Variants in BCL2L13 observed in about 807,000 individuals in gnomAD.
BCL2L13 encodes the protein BCL2 like 13.
In BCL2L13, 13 loss-of-function variants were observed where a neutral mutation model predicts 25.8. That is an observed-to-expected ratio of 0.50 (90% CI 0.33 to 0.80). BCL2L13 has a LOEUF of 0.80. Among genes scored for constraint, BCL2L13 ranks in the 30% least tolerant of loss-of-function variants. The probability of loss-of-function intolerance (pLI) is 0.02; values close to 1 mark genes in which losing one functional copy is unlikely to be tolerated. For missense variants in BCL2L13, 504 were observed against 574.9 expected, an observed-to-expected ratio of 0.88 and a Z score of 1.26; for synonymous variants, 244 against 230.3, an observed-to-expected ratio of 1.06 and a Z score of -0.54.
At chr22:17,713,369 C>T (rs1165665768) in intron 6 of BCL2L13, among the ~76,000 whole-genome samples, 1 of 151,576 alleles carries the variant, frequency 6.6e-6, no homozygotes, top group African/African-American at 2.4e-5. Flanking sequence ...TGGTAAAGTA[C>T]AGTTCTTTAG....
At position 17,730,215 on chromosome 22, in the gene BCL2L13, A is replaced by G. The variant is rs1480906975; in HGVS notation, c.*2681A>G. ...AAGTGATAATTCTGGGCCCACAGAAATCAGTCAGTACCTGCGGTGTGCCTT... is the reference window on the plus strand; with the variant it reads ...AAGTGATAATTCTGGGCCCACAGAAGTCAGTCAGTACCTGCGGTGTGCCTT... On this transcript the variant is annotated 3_prime_UTR_variant, in exon 7 of 7. Coordinates refer to ENST00000317582, the MANE Select transcript of BCL2L13 (RefSeq NM_015367.4). 3 of 152,214 alleles carry G rather than the reference A, an allele frequency of 2.0e-5. No homozygotes were observed. The highest frequency in any genetic ancestry group is 7.2e-5 in the African/African-American group (3 of 41,456). The allele number at this position is 152,214 out of a possible 1,614,324, so 9.4% of individuals were successfully genotyped here. A position where few individuals can be genotyped will look rare whatever the true frequency, so the allele number is the denominator to read the frequency against.
In BCL2L13 at chr22:17,729,042, A is replaced by G; in HGVS notation, c.*1508A>G. ...ATGCAGGGCACACGTGGCTTGGTTT[A>G]AAAAGGTCATCTTAGATTTATCTTA... On this transcript the variant is annotated 3_prime_UTR_variant, in exon 7 of 7. Transcript: ENST00000317582. 6.6e-6 allele frequency: 1 copy of G among 152,260 alleles called. No homozygotes were observed. Among genetic ancestry groups the G allele is most frequent in the East Asian group, 1.9e-4 (1 of 5,200 alleles). The allele number at this position is 152,260 out of a possible 1,614,324, so 9.4% of individuals were successfully genotyped here. A position where few individuals can be genotyped will look rare whatever the true frequency, so the allele number is the denominator to read the frequency against.
chr22:17,672,061 A>G (rs1393370861), intron 2 of BCL2L13, among the ~76,000 whole-genome samples: 7 of 152,142 alleles, frequency 4.6e-5, no homozygotes, highest in African/African-American at 1.7e-4. Flanking sequence ...ATTTTGAGGT[A>G]TTTGTTTTTG....
intron 1 of BCL2L13, among the ~76,000 whole-genome samples, chr22:17,640,193 T>C (rs1338216804): frequency 6.6e-6 from 1 of 152,122 alleles, no homozygotes; most frequent in African/African-American, 2.4e-5. Flanking sequence ...CCGCATGAAG[T>C]ATTATTTTCA....
At chr22:17,630,664 C>T (rs1691315900) in intron 1 of BCL2L13, among the ~76,000 whole-genome samples, 1 of 149,248 alleles carries the variant, frequency 6.7e-6, no homozygotes, top group East Asian at 2.0e-4. Flanking sequence ...AATCTCGGCT[C>T]ACCACAACCT....
At chr22:17,639,604 A>G in intron 1 of BCL2L13, among the ~76,000 whole-genome samples, 1 of 152,186 alleles carries the variant, frequency 6.6e-6, no homozygotes, top group East Asian at 1.9e-4. Context: ...GTTAGCTCTT[A>G]GCCACTCCCT....
chr22:17,651,904 A>G (rs1198449446), intron 1 of BCL2L13, among the ~76,000 whole-genome samples: 3 of 151,872 alleles, frequency 2.0e-5, no homozygotes, highest in Admixed American at 6.6e-5. Context: ...GCTAGCCAGG[A>G]TGGTCTGGAT....
intron 1 of BCL2L13, among the ~76,000 whole-genome samples, chr22:17,651,514 TG>T (rs2058687239): frequency 6.6e-6 from 1 of 151,054 alleles, no homozygotes; most frequent in African/African-American, 2.4e-5. Flanking sequence ...CCCGAGTAGC[TG>T]GGATTACAGG....
intron 1 of BCL2L13, among the ~76,000 whole-genome samples, chr22:17,629,936 G>C (rs1047178895): frequency 6.6e-6 from 1 of 151,734 alleles, no homozygotes; most frequent in Non-Finnish European, 1.5e-5. Flanking sequence ...CCTTTGTCCC[G>C]GGCCAGGCGC....
chr22:17,630,956 C>T (rs1393035173), intron 1 of BCL2L13, among the ~76,000 whole-genome samples: 2 of 151,914 alleles, frequency 1.3e-5, no homozygotes, highest in African/African-American at 4.8e-5. Context: ...TACTTTATAA[C>T]CTTTATAACC....
At chr22:17,692,867 A>G (rs988699959) in intron 4 of BCL2L13, among the ~76,000 whole-genome samples, 1 of 152,250 alleles carries the variant, frequency 6.6e-6, no homozygotes, top group African/African-American at 2.4e-5. Flanking sequence ...TTAGCCCAGT[A>G]CATCTAAAAT....
chr22:17,722,947 T>G (rs1324035764), intron 6 of BCL2L13, among the ~76,000 whole-genome samples: 1 of 152,246 alleles, frequency 6.6e-6, no homozygotes, highest in Non-Finnish European at 1.5e-5. Context: ...TGTACTTCTT[T>G]TTTAATAGTA....
At chr22:17,630,287 CT>C (rs932260968) in intron 1 of BCL2L13, among the ~76,000 whole-genome samples, 13 of 144,374 alleles carry the variant, frequency 9.0e-5, no homozygotes, top group Admixed American at 6.9e-5. Context: ...ATAACCCTTT[CT>C]TTTTTTTTTG....
chr22:17,653,877 G>A (rs2058765166), intron 1 of BCL2L13, among the ~76,000 whole-genome samples: 1 of 140,388 alleles, frequency 7.1e-6, no homozygotes, highest in South Asian at 2.1e-4. Flanking sequence ...TATCATTCTA[G>A]GATATTTATC....
intron 6 of BCL2L13, among the ~76,000 whole-genome samples, chr22:17,704,813 TTTTA>T (rs2060542054): frequency 6.9e-6 from 1 of 144,672 alleles, no homozygotes; most frequent in Non-Finnish European, 1.5e-5. Flanking sequence ...CATTTGTCTA[TTTTA>T]TTTATTTTTC....
intron 4 of BCL2L13, among the ~76,000 whole-genome samples, chr22:17,693,368 G>T (rs1170878721): frequency 3.4e-4 from 38 of 112,224 alleles, no homozygotes; most frequent in African/African-American, 9.0e-4. Flanking sequence ...TTTATTTAGT[G>T]TTTGTTTTTT....
intron 2 of BCL2L13, among the ~76,000 whole-genome samples, chr22:17,673,099 G>A (rs2059464113): frequency 6.6e-6 from 1 of 152,118 alleles, no homozygotes; most frequent in Non-Finnish European, 1.5e-5. Flanking sequence ...ATTCTCTGAA[G>A]TCTCATATTC....
At chr22:17,718,123 G>T (rs1168945522) in intron 6 of BCL2L13, among the ~76,000 whole-genome samples, 1 of 149,556 alleles carries the variant, frequency 6.7e-6, no homozygotes, top group Non-Finnish European at 1.5e-5. Flanking sequence ...AACAGGAGGG[G>T]AGGGAAGGGG....
chr22:17,668,545 C>G (rs762433460), intron 2 of BCL2L13, among the ~76,000 whole-genome samples: 9 of 151,720 alleles, frequency 5.9e-5, no homozygotes, highest in Admixed American at 1.3e-4. Context: ...CTCCACCTTC[C>G]TGGGTTCAAG....
Sources: allele counts gnomAD v4.1 joint callset (sites outside exome capture counted in the v4.1 genomes callset), GRCh38; gene constraint gnomAD v4.1.1; transcripts MANE v1.5; gene names NCBI Gene and HGNC (gene_info 2026-07-23, HGNC 2026-07-21).